Variants in SLC2A14 observed in about 807,000 individuals in gnomAD.
SLC2A14 encodes solute carrier family 2, facilitated glucose transporter member 14.
SLC2A14 carries 13 observed loss-of-function variants against 43.0 expected under a neutral mutation model. The observed-to-expected ratio is 0.30, with a 90% confidence interval of 0.20 to 0.48. The LOEUF (loss-of-function observed/expected upper bound fraction) is 0.48, where lower values mean the gene tolerates loss of function less well. Among genes scored for constraint, SLC2A14 ranks in the 20% least tolerant of loss-of-function variants. SLC2A14 has a pLI of 0.99. For synonymous variants in SLC2A14, 190 were observed against 233.8 expected (o/e 0.81, Z 1.71); for missense variants, 428 against 620.4 (o/e 0.69, Z 3.29).
intron 1 of SLC2A14, chr12:7,871,922 A>C (rs907101060): frequency 1.0e-6 from 1 of 984,542 alleles, no homozygotes; most frequent in African/African-American, 1.7e-5. Context: ...CATCTGTCCC[A>C]GGGGAGGCAG....
rs143806494 is a variant in SLC2A14, at chr12:7,814,373, G to A, written c.1437C>T (p.Asp479=). ...QAHGADRSGK[D]GVMGMNSIEP... is the part of the protein sequence containing the mutation. Reference sequence around the variant, plus strand: ...CGATGCTGTTCATCCCCATGACGCCGTCCTTCCCAGATCTATCTGCACCGT... The same window carrying A: ...CGATGCTGTTCATCCCCATGACGCCATCCTTCCCAGATCTATCTGCACCGT... Residue 479 remains aspartate, a synonymous_variant, in exon 11 of 11, where the codon GAC becomes GAT. Coordinates refer to ENST00000431042, the MANE Select transcript of SLC2A14 (RefSeq NM_001286234.2). 108 of 1,611,128 alleles carry A rather than the reference G, an allele frequency of 6.7e-5. No homozygotes were observed. The highest frequency in any genetic ancestry group is 2.2e-4 in the Admixed American group (13 of 59,184).
chr12:7,817,739 AATAT>A lies in SLC2A14; in HGVS notation c.1275+88_1275+91del, dbSNP rs200083055. ...CACCAGGGCGAGACTCAGTCTCAAA[AATAT>A]ATATATATATAGATAGATAGATAGA... On this transcript the variant is annotated intron_variant, in intron 10 of 10. Transcript: ENST00000431042. The A allele has an allele frequency of 1.5e-3, 1,130 of 776,512 alleles. 14 individuals carry two copies. The highest frequency in any genetic ancestry group is 1.9e-3 in the Non-Finnish European group (1,053 of 565,634). 48.1% of individuals were successfully genotyped at this position (776,512 alleles called of 1,614,324 possible).
rs763682732 is a variant in SLC2A14, at chr12:7,831,714, A to T, written c.162T>A (p.Pro54=). The T allele has an allele frequency of 1.2e-6, 2 of 1,614,240 alleles. No homozygotes were observed. Among genetic ancestry groups the T allele is most frequent in the Non-Finnish European group, 1.7e-6 (2 of 1,180,048 alleles). Residue 54 remains proline, a synonymous_variant, in exon 4 of 11, where the codon CCT becomes CCA. Coordinates refer to ENST00000431042, the MANE Select transcript of SLC2A14 (RefSeq NM_001286234.2). The stretch of plus-strand genomic sequence containing the variant: ...GATTCGTGAGCAGCACCTCAGAGGG[A>T]GGGGCATTTGCCTTGTCCGTCAAAG... ...NKTLTDKANA[P]PSEVLLTNLW... is the part of the protein sequence containing the mutation.
intron 2 of SLC2A14, among the ~76,000 whole-genome samples, chr12:7,834,226 C>T (rs1465434385): frequency 3.3e-5 from 5 of 151,540 alleles, no homozygotes; most frequent in Admixed American, 3.3e-4. Flanking sequence ...TCCATCCCTT[C>T]TCTTATTTTC....
intron 2 of SLC2A14, among the ~76,000 whole-genome samples, chr12:7,861,998 A>T (rs763095908): frequency 6.9e-6 from 1 of 145,852 alleles, no homozygotes; most frequent in African/African-American, 2.5e-5. Flanking sequence ...CAGTGTGGTG[A>T]CTCAGGTCTG....
intron 2 of SLC2A14, among the ~76,000 whole-genome samples, chr12:7,862,264 CA>C (rs71038792): frequency 0.011 from 630 of 58,888 alleles, 3 homozygotes; most frequent in African/African-American, 0.039. Flanking sequence ...ACTTGTCTCT[CA>C]AAAAAAAAAA....
chr12:7,873,274 C>T, upstream of SLC2A14: 1 of 985,674 alleles, frequency 1.0e-6, no homozygotes, highest in Non-Finnish European at 1.2e-6. Flanking sequence ...CCGCCTGCAG[C>T]AGGGAGATAG....
At position 7,860,010 on chromosome 12, in the gene SLC2A14, C is replaced by T. The variant is rs556909142; in HGVS notation, c.18+9853G>A. On this transcript the variant is annotated intron_variant, in intron 2 of 10. Coordinates refer to ENST00000431042, the MANE Select transcript of SLC2A14 (RefSeq NM_001286234.2). ...CAACCAAAGAGCTGACACTGCTCCA[C>T]CCACGCCTGGTGCTTTTGCAAATCC... is the stretch of plus-strand genomic sequence containing the variant. Among the ~76,000 whole-genome samples, 3 of 152,282 alleles carry T rather than the reference C, an allele frequency of 2.0e-5. 1 individual carries two copies. The highest frequency in any genetic ancestry group is 2.9e-5 in the Non-Finnish European group (2 of 68,026).
rs1420969761 is a variant in SLC2A14, at chr12:7,828,994, A to G, written c.514-128T>C. On this transcript the variant is annotated intron_variant, in intron 5 of 10. Coordinates refer to ENST00000431042, the MANE Select transcript of SLC2A14 (RefSeq NM_001286234.2). ...TTCCAGCACTTTGGAAGGCTGAGGC[A>G]GGTGGATCAGGAGTTGAAGACCAGC... 7 of 1,164,792 alleles carry G rather than the reference A, an allele frequency of 6.0e-6. No homozygotes were observed. The East Asian group carries it at 1.7e-4, about 29-fold the overall frequency. The allele number at this position is 1,164,792 out of a possible 1,614,324, so 72.2% of individuals were successfully genotyped here.
chr12:7,841,641 T>A (rs1261680198), intron 2 of SLC2A14, among the ~76,000 whole-genome samples: 3 of 152,214 alleles, frequency 2.0e-5, no homozygotes, highest in African/African-American at 7.2e-5. Context: ...TTCAAGTTCA[T>A]TCTTTGTGTT....
intron 2 of SLC2A14, among the ~76,000 whole-genome samples, chr12:7,844,542 C>CTT (rs1866294422): frequency 9.3e-6 from 1 of 107,330 alleles, no homozygotes; most frequent in African/African-American, 3.7e-5. Flanking sequence ...ATAGTAAACT[C>CTT]CTTTTTTTTT....
intron 1 of SLC2A14, among the ~76,000 whole-genome samples, chr12:7,889,727 G>T (rs1272674508): frequency 2.0e-5 from 3 of 151,404 alleles, no homozygotes; most frequent in Admixed American, 2.0e-4. Flanking sequence ...GTAGAGACAG[G>T]GTTCCATTAT....
chr12:7,890,879 A>C, intron 1 of SLC2A14: 1 of 1,189,680 alleles, frequency 8.4e-7, no homozygotes, highest in Non-Finnish European at 1.1e-6. Flanking sequence ...GACAGCCCCC[A>C]CTTAACACAC....
At chr12:7,857,014 G>A (rs762809165) in intron 2 of SLC2A14, among the ~76,000 whole-genome samples, 5 of 152,018 alleles carry the variant, frequency 3.3e-5, no homozygotes, top group Admixed American at 2.0e-4. Context: ...CACTTTGGGA[G>A]GCCAAGGCGG....
At chr12:7,817,068 C>T (rs760243364) in intron 10 of SLC2A14, among the ~76,000 whole-genome samples, 1 of 152,166 alleles carries the variant, frequency 6.6e-6, no homozygotes, top group South Asian at 2.1e-4. Context: ...TTTTAGACTG[C>T]AGGTAACTGA....
At chr12:7,884,167 G>A (rs535905570) in intron 1 of SLC2A14, among the ~76,000 whole-genome samples, 1 of 151,872 alleles carries the variant, frequency 6.6e-6, no homozygotes, top group Non-Finnish European at 1.5e-5. Context: ...TGATCTGCCC[G>A]CCTCAGCCTC....
intron 7 of SLC2A14, among the ~76,000 whole-genome samples, chr12:7,825,709 C>T (rs1023530180): frequency 3.4e-5 from 5 of 145,258 alleles, no homozygotes; most frequent in African/African-American, 1.3e-4. Context: ...TTGCAGTGAG[C>T]CAAGATTGCA....
chr12:7,880,660 C>T (rs1945552032), intron 1 of SLC2A14, among the ~76,000 whole-genome samples: 1 of 135,888 alleles, frequency 7.4e-6, no homozygotes, highest in African/African-American at 2.8e-5. Context: ...AACCCTGTCT[C>T]TACTAAAAAT....
chr12:7,815,310 G>A (rs1863338586), intron 10 of SLC2A14, among the ~76,000 whole-genome samples: 1 of 151,938 alleles, frequency 6.6e-6, no homozygotes. Flanking sequence ...TAGCTACTCA[G>A]GAGGCTGAGG....
Sources: gnomAD v4.1 joint callset for allele counts (sites outside exome capture counted in the v4.1 genomes callset) on GRCh38, gnomAD v4.1.1 for gene constraint, MANE v1.5 for transcripts, NCBI Gene and HGNC (gene_info 2026-07-23, HGNC 2026-07-21) for gene names.